PRKG1: variants seen among roughly 807,000 people sequenced by gnomAD.
PRKG1 encodes cGMP-dependent protein kinase 1.
PRKG1 carries 35 observed loss-of-function variants against 88.1 expected under a neutral mutation model. The ratio of observed to expected loss-of-function variants is 0.40; its 90% CI spans 0.30 to 0.53. The LOEUF is 0.53. Among genes scored for constraint, PRKG1 ranks in the 20% least tolerant of loss-of-function variants. The pLI, the probability that PRKG1 is intolerant of heterozygous loss-of-function variation, is 0.59. For missense variants in PRKG1, 540 were observed against 839.8 expected, an observed-to-expected ratio of 0.64 and a Z score of 4.41; for synonymous variants, 303 against 292.5, an observed-to-expected ratio of 1.04 and a Z score of -0.37.
At chr10:52,069,038 C>T (rs1274863649) in intron 7 of PRKG1, among the ~76,000 whole-genome samples, 1 of 138,120 alleles carries the variant, frequency 7.2e-6, no homozygotes, top group Non-Finnish European at 1.7e-5. Flanking sequence ...TTCTGAGTAC[C>T]TGTGCCACAT....
At chr10:52,215,718 T>A (rs1384149925) in intron 9 of PRKG1, among the ~76,000 whole-genome samples, 6 of 152,180 alleles carry the variant, frequency 3.9e-5, no homozygotes, top group Admixed American at 3.9e-4. Context: ...AATATATTAA[T>A]ATACATTTTT....
At chr10:51,967,214 TG>T (rs1477948991) in intron 5 of PRKG1, among the ~76,000 whole-genome samples, 1 of 152,154 alleles carries the variant, frequency 6.6e-6, no homozygotes, top group African/African-American at 2.4e-5. Flanking sequence ...TATATACCAA[TG>T]GAATACTATG....
chr10:51,382,474 T>C (rs1348671397), intron 2 of PRKG1, among the ~76,000 whole-genome samples: 3 of 152,140 alleles, frequency 2.0e-5, no homozygotes, highest in Non-Finnish European at 4.4e-5. Flanking sequence ...GTCAAGTCCT[T>C]TGGGCACCAT....
chr10:51,753,922 C>T (rs1250522296), intron 3 of PRKG1, among the ~76,000 whole-genome samples: 1 of 151,894 alleles, frequency 6.6e-6, no homozygotes, highest in Non-Finnish European at 1.5e-5. Flanking sequence ...CTGAATTTTG[C>T]TCTTTTGTCT....
intron 2 of PRKG1, among the ~76,000 whole-genome samples, chr10:51,417,582 A>G (rs1838277372): frequency 1.3e-5 from 2 of 152,180 alleles, no homozygotes; most frequent in Admixed American, 1.3e-4. Flanking sequence ...AATTGTAGGG[A>G]ATGAGTAAAG....
chr10:51,885,584 C>A (rs1232061209), intron 4 of PRKG1, among the ~76,000 whole-genome samples: 1 of 152,198 alleles, frequency 6.6e-6, no homozygotes, highest in African/African-American at 2.4e-5. Flanking sequence ...TCTTCTTTTA[C>A]TTCTCCCATA....
chr10:52,245,747 C>T (rs1841005116), intron 9 of PRKG1, among the ~76,000 whole-genome samples: 1 of 144,232 alleles, frequency 6.9e-6, no homozygotes, highest in African/African-American at 2.6e-5. Context: ...ATGTTAACAC[C>T]ATTTTATTTA....
At chr10:52,216,404 A>T (rs1840111534) in intron 9 of PRKG1, among the ~76,000 whole-genome samples, 1 of 152,186 alleles carries the variant, frequency 6.6e-6, no homozygotes, top group African/African-American at 2.4e-5. Context: ...TTGCACATGG[A>T]TTTTGCAAGA....
chr10:51,683,144 G>A (rs924361193), intron 3 of PRKG1, among the ~76,000 whole-genome samples: 5 of 152,124 alleles, frequency 3.3e-5, no homozygotes, highest in Non-Finnish European at 5.9e-5. Flanking sequence ...TAGCCAGTAA[G>A]CACATGAAAA....
intron 3 of PRKG1, among the ~76,000 whole-genome samples, chr10:51,666,154 G>A (rs1015109216): frequency 6.6e-6 from 1 of 152,168 alleles, no homozygotes; most frequent in Non-Finnish European, 1.5e-5. Context: ...AAGAAATGTG[G>A]TGACATCCGT....
chr10:52,209,626 T>C (rs1012664927), intron 9 of PRKG1, among the ~76,000 whole-genome samples: 1 of 152,086 alleles, frequency 6.6e-6, no homozygotes, highest in Non-Finnish European at 1.5e-5. Flanking sequence ...TTGCCAGAAG[T>C]CATAATCTCA....
At chr10:51,550,849 C>T (rs999883844) in intron 3 of PRKG1, among the ~76,000 whole-genome samples, 5 of 151,890 alleles carry the variant, frequency 3.3e-5, no homozygotes, top group African/African-American at 4.8e-5. Context: ...AGTAATCTGA[C>T]ATTGGTTCAA....
chr10:51,190,809 C>T (rs1837612103), intron 2 of PRKG1, among the ~76,000 whole-genome samples: 2 of 151,844 alleles, frequency 1.3e-5, no homozygotes, highest in Non-Finnish European at 2.9e-5. Flanking sequence ...TGAACCTCCA[C>T]TTTTTCTTTG....
chr10:51,022,097 A>G (rs1327667001), intron 1 of PRKG1, among the ~76,000 whole-genome samples: 1 of 152,202 alleles, frequency 6.6e-6, no homozygotes, highest in Non-Finnish European at 1.5e-5. Context: ...CTGTTGGGGC[A>G]TTCAATTCTA....
Position 51,987,459 on chromosome 10 carries a change from T to A in PRKG1, c.763-67025T>A, listed in dbSNP as rs558090703. ...ACATGTAAAATCTTCTACTCATTAC[T>A]TTTTTTTTTTTTTTTCTGAAACTTA... On this transcript the variant is annotated intron_variant, in intron 5 of 17. Transcript: ENST00000373980. 2.6e-4 allele frequency among the ~76,000 whole-genome samples: 15 copies of A among 57,282 alleles called. No homozygotes were observed. In the South Asian group the frequency reaches 6.0e-3, roughly 23 times the overall value. 37.6% of individuals were successfully genotyped at this position (57,282 alleles called of 152,430 possible). A position where few individuals can be genotyped will look rare whatever the true frequency, so the allele number is the denominator to read the frequency against.
At chr10:51,777,280 C>G (rs138965846) in intron 3 of PRKG1, among the ~76,000 whole-genome samples, 1 of 152,096 alleles carries the variant, frequency 6.6e-6, no homozygotes, top group South Asian at 2.1e-4. Flanking sequence ...AAAGAAGAAG[C>G]ATTTGACATT....
At chr10:52,092,414 C>T (rs923847981) in intron 7 of PRKG1, among the ~76,000 whole-genome samples, 1 of 152,024 alleles carries the variant, frequency 6.6e-6, no homozygotes, top group South Asian at 2.1e-4. Flanking sequence ...GTGTAATATT[C>T]CTAAGAACAC....
chr10:51,405,256 T>C (rs922640678), intron 2 of PRKG1, among the ~76,000 whole-genome samples: 20 of 152,182 alleles, frequency 1.3e-4, no homozygotes, highest in African/African-American at 4.3e-4. Context: ...TAAAATAAAG[T>C]CAAGTCAAGC....
intron 2 of PRKG1, among the ~76,000 whole-genome samples, chr10:51,286,734 A>G (rs1840450887): frequency 6.6e-6 from 1 of 152,222 alleles, no homozygotes. Context: ...GAAACTACAT[A>G]ATATATTATT....
Sources: allele counts gnomAD v4.1 joint callset (sites outside exome capture counted in the v4.1 genomes callset), GRCh38; gene constraint gnomAD v4.1.1; transcripts MANE v1.5; gene names NCBI Gene and HGNC (gene_info 2026-07-23, HGNC 2026-07-21).